The following SNTB2 variants were observed in gnomAD, a reference collection of about 807,000 sequenced individuals.
SNTB2 encodes beta-2-syntrophin.
A neutral mutation model predicts 46.2 loss-of-function variants in SNTB2; 34 were observed. That is an observed-to-expected ratio of 0.74 (90% confidence interval 0.56 to 0.98). SNTB2 has a LOEUF of 0.98. Among genes scored for constraint, SNTB2 ranks in the 50% least tolerant of loss-of-function variants. SNTB2 has a pLI of 0.00. For synonymous variants in SNTB2, 290 were observed against 312.6 expected, an observed-to-expected ratio of 0.93 and a Z score of 0.76; for missense variants, 603 against 731.4, an observed-to-expected ratio of 0.82 and a Z score of 2.02.
At position 69,305,156 on chromosome 16, in the gene SNTB2, A is replaced by G. The variant is rs1965307606; in HGVS notation, c.*4232A>G. 6.6e-6 allele frequency: 1 copy of G among 152,562 alleles called. No individual in the cohort carries two copies. The allele number at this position is 152,562 out of a possible 1,614,324, so 9.5% of individuals were successfully genotyped here. A position where few individuals can be genotyped will look rare whatever the true frequency, so the allele number is the denominator to read the frequency against. On this transcript the variant is annotated 3_prime_UTR_variant, in exon 7 of 7. Coordinates refer to ENST00000336278, the MANE Select transcript of SNTB2 (RefSeq NM_006750.4). The stretch of plus-strand genomic sequence containing the variant: ...TTGCTTAACTTATATGCATGTGGAT[A>G]TATTTGTTTTCAAAGCCATGGAAGA...
chr16:69,261,223 A>T (rs1184085264), intron 3 of SNTB2, among the ~76,000 whole-genome samples: 6 of 152,064 alleles, frequency 3.9e-5, no homozygotes, highest in African/African-American at 1.2e-4. Context: ...TCAGCACAGG[A>T]AGGATTTTGT....
intron 1 of SNTB2, among the ~76,000 whole-genome samples, 199 bp downstream of exon 1, chr16:69,187,945 G>T (rs1168229514): frequency 6.6e-6 from 1 of 152,186 alleles, no homozygotes; most frequent in Admixed American, 6.5e-5. Context: ...GTGGCTTGCA[G>T]CCCCTAGGGA....
chr16:69,270,083 A>T, intron 3 of SNTB2, 60 bp from the exon 4 acceptor site: 1 of 1,603,316 alleles, frequency 6.2e-7, no homozygotes, highest in Non-Finnish European at 8.5e-7. Context: ...TCATTGAAGG[A>T]ACTTTTACAA....
chr16:69,245,177 T>C (rs781208000), intron 1 of SNTB2, among the ~76,000 whole-genome samples: 20 of 152,162 alleles, frequency 1.3e-4, no homozygotes, highest in Non-Finnish European at 2.5e-4. Context: ...ACTTACTTTT[T>C]TCCCCCATTT....
chr16:69,213,796 C>CCTT, intron 1 of SNTB2, among the ~76,000 whole-genome samples: 1 of 147,124 alleles, frequency 6.8e-6, no homozygotes, highest in East Asian at 2.0e-4. Flanking sequence ...CCGTGCCCAG[C>CCTT]TGATAAATAC....
At chr16:69,246,272 G>A (rs961866896) in intron 2 of SNTB2, among the ~76,000 whole-genome samples, 1 of 152,112 alleles carries the variant, frequency 6.6e-6, no homozygotes, top group Non-Finnish European at 1.5e-5. Flanking sequence ...TAGCATGAAG[G>A]GTTGTTGAAT....
rs575547554 is a variant in SNTB2 at position 69,245,034 on chromosome 16, A to G, written c.581-568A>G. Among the ~76,000 whole-genome samples the G allele has an allele frequency of 2.0e-5, 3 of 152,336 alleles. No individual in the cohort carries two copies. In the East Asian group the frequency reaches 5.8e-4, roughly 29 times the overall value. ...GAGTTCTCATGTAGAAGAGAGATTA[A>G]GTTTGTTCTATATGGCTTGAGAAGA... On this transcript the variant is annotated intron_variant, in intron 1 of 6. Coordinates refer to ENST00000336278, the MANE Select transcript of SNTB2 (RefSeq NM_006750.4).
chr16:69,232,154 T>C (rs1463051500), intron 1 of SNTB2, among the ~76,000 whole-genome samples: 7 of 152,010 alleles, frequency 4.6e-5, no homozygotes, highest in Admixed American at 4.6e-4. Context: ...ACTGGGGCTT[T>C]TTTTTGCCGG....
At chr16:69,229,353 A>G (rs575507155) in intron 1 of SNTB2, among the ~76,000 whole-genome samples, 15 of 151,698 alleles carry the variant, frequency 9.9e-5, no homozygotes, top group Admixed American at 1.3e-4. Context: ...AATTTTTTGT[A>G]GAGATAGGAT....
chr16:69,269,518 A>G (rs1964918534), intron 3 of SNTB2, among the ~76,000 whole-genome samples: 1 of 152,192 alleles, frequency 6.6e-6, no homozygotes, highest in Non-Finnish European at 1.5e-5. Flanking sequence ...TGTCTCAGAA[A>G]AAAAAAAAGA....
intron 1 of SNTB2, among the ~76,000 whole-genome samples, chr16:69,224,387 A>G (rs1457273409): frequency 6.6e-6 from 1 of 151,244 alleles, no homozygotes; most frequent in Non-Finnish European, 1.5e-5. Flanking sequence ...GATTTTTTGT[A>G]TCGTTAGTAG....
At chr16:69,283,420 T>C (rs184901597) in intron 4 of SNTB2, among the ~76,000 whole-genome samples, 36 of 152,354 alleles carry the variant, frequency 2.4e-4, no homozygotes, top group Admixed American at 1.6e-3. Context: ...CATGAATTTT[T>C]AGATAAAACC....
intron 2 of SNTB2, among the ~76,000 whole-genome samples, chr16:69,251,179 C>T (rs1964722167): frequency 6.6e-6 from 1 of 150,786 alleles, no homozygotes; most frequent in Non-Finnish European, 1.5e-5. Context: ...GGGGTTTCAC[C>T]GTTTTAGCCG....
intron 3 of SNTB2, among the ~76,000 whole-genome samples, chr16:69,260,817 G>C (rs1964827508): frequency 6.6e-6 from 1 of 152,048 alleles, no homozygotes; most frequent in Non-Finnish European, 1.5e-5. Context: ...TCTGCTCTGG[G>C]AAAAGTATAA....
chr16:69,210,116 T>G (rs1229580618), intron 1 of SNTB2, among the ~76,000 whole-genome samples: 2 of 148,994 alleles, frequency 1.3e-5, no homozygotes, highest in Non-Finnish European at 3.0e-5. Flanking sequence ...ATCCGCCTCC[T>G]GGGTTCAAGC....
chr16:69,196,219 A>G (rs539116812), intron 1 of SNTB2, among the ~76,000 whole-genome samples: 25 of 152,318 alleles, frequency 1.6e-4, no homozygotes, highest in Admixed American at 2.6e-4. Context: ...AGCTTGGGCA[A>G]TGGAGCAAGA....
intron 1 of SNTB2, 27 bp downstream of exon 1, chr16:69,187,773 G>GGGGGGGGGGGC: frequency 3.0e-6 from 1 of 331,854 alleles, no homozygotes; most frequent in Non-Finnish European, 5.5e-6. Context: ...GGGAGGGTGG[G>GGGGGGGGGGGC]CAGGCCGCGG....
intron 1 of SNTB2, among the ~76,000 whole-genome samples, chr16:69,207,635 C>T (rs1198340730): frequency 1.3e-5 from 2 of 152,158 alleles, no homozygotes; most frequent in African/African-American, 2.4e-5. Flanking sequence ...ATCATAAAAA[C>T]GTGCAGCTGG....
At chr16:69,292,215 C>T (rs1411017802) in intron 5 of SNTB2, among the ~76,000 whole-genome samples, 3 of 148,828 alleles carry the variant, frequency 2.0e-5, no homozygotes, top group East Asian at 2.0e-4. Context: ...CCAGCCTGGG[C>T]GACAGAGCGA....
Sources: gnomAD v4.1 joint callset for allele counts (sites outside exome capture counted in the v4.1 genomes callset) on GRCh38, gnomAD v4.1.1 for gene constraint, MANE v1.5 for transcripts, NCBI Gene and HGNC (gene_info 2026-07-23, HGNC 2026-07-21) for gene names.